Variants in GALNT2 observed in about 807,000 individuals in gnomAD.
GALNT2 encodes UDP-GalNAc:polypeptide N-acetylgalactosaminyltransferase 2.
In GALNT2, 31 loss-of-function variants were observed where a neutral mutation model predicts 81.4. The ratio of observed to expected loss-of-function variants is 0.38; its 90% CI spans 0.29 to 0.51. GALNT2 has a LOEUF of 0.51. Among genes scored for constraint, GALNT2 ranks in the 20% least tolerant of loss-of-function variants. The pLI, the probability that GALNT2 is intolerant of heterozygous loss-of-function variation, is 0.87. For synonymous variants in GALNT2, 303 were observed against 287.4 expected (o/e 1.05, Z -0.55); for missense variants, 629 against 765.7 (o/e 0.82, Z 2.11).
chr1:230,216,871 C>T (rs755544201), intron 3 of GALNT2, among the ~76,000 whole-genome samples: 1 of 151,936 alleles, frequency 6.6e-6, no homozygotes, highest in African/African-American at 2.4e-5. Context: ...CTTCATCTGA[C>T]AATAATGTGA....
At chr1:230,183,553 C>A (rs1021465743) in intron 2 of GALNT2, among the ~76,000 whole-genome samples, 1 of 152,142 alleles carries the variant, frequency 6.6e-6, no homozygotes, top group African/African-American at 2.4e-5. Context: ...CCTCCCATCA[C>A]TTATATCATT....
At chr1:230,145,026 G>A (rs1460281104) in intron 1 of GALNT2, among the ~76,000 whole-genome samples, 5 of 152,074 alleles carry the variant, frequency 3.3e-5, no homozygotes, top group African/African-American at 7.2e-5. Context: ...TGAGAGGCCC[G>A]GCGGAGCATC....
intron 3 of GALNT2, among the ~76,000 whole-genome samples, chr1:230,217,502 T>TA (rs1295104206): frequency 2.0e-5 from 3 of 152,220 alleles, no homozygotes; most frequent in African/African-American, 7.2e-5. Context: ...CACCAAGCCC[T>TA]AGGAGCCTGG....
chr1:230,174,841 C>T (rs1224622649), intron 1 of GALNT2, among the ~76,000 whole-genome samples: 1 of 152,190 alleles, frequency 6.6e-6, no homozygotes, highest in Admixed American at 6.5e-5. Flanking sequence ...TTGATCTTTC[C>T]CTTGTTCCAT....
At chr1:230,191,152 G>A (rs889006792) in intron 2 of GALNT2, among the ~76,000 whole-genome samples, 1 of 151,928 alleles carries the variant, frequency 6.6e-6, no homozygotes, top group Admixed American at 6.5e-5. Context: ...GTTATCTTAA[G>A]CTTTATTAGT....
intron 14 of GALNT2, among the ~76,000 whole-genome samples, chr1:230,269,882 G>A (rs1395703824): frequency 6.6e-6 from 1 of 152,180 alleles, no homozygotes; most frequent in Admixed American, 6.5e-5. Context: ...GAACAACAGA[G>A]TGAGACCATG....
At chr1:230,249,311 G>T (rs1477776979) in intron 9 of GALNT2, 40 bp downstream of exon 9, 51 of 1,579,776 alleles carry the variant, frequency 3.2e-5, no homozygotes, top group Non-Finnish European at 4.3e-5. Context: ...TCCCAGATGA[G>T]ACCCCAGGTT....
chr1:230,252,810 T>C (rs1233390927), intron 10 of GALNT2, among the ~76,000 whole-genome samples: 2 of 151,482 alleles, frequency 1.3e-5, no homozygotes, highest in African/African-American at 4.8e-5. Flanking sequence ...CAAATGGATA[T>C]TTAAATTTTA....
intron 1 of GALNT2, among the ~76,000 whole-genome samples, chr1:230,095,528 C>T (rs974067712): frequency 1.3e-5 from 2 of 152,086 alleles, no homozygotes; most frequent in Non-Finnish European, 2.9e-5. Flanking sequence ...GTATTGGGAT[C>T]CACTCTCCAG....
At position 230,275,851 on chromosome 1, in the gene GALNT2, C is replaced by T. The variant is rs1419153885; in HGVS notation, c.1560+1287C>T. ...CATATATACATGTATATACATGCCA[C>T]ATAGATATACATATATAAATGCCAC... On this transcript the variant is annotated intron_variant, in intron 15 of 15. Transcript: ENST00000366672. The surrounding 1 kb of genome is among the most constrained non-coding windows in gnomAD (Gnocchi z 5.5). 6.6e-6 allele frequency among the ~76,000 whole-genome samples: 1 copy of T among 150,650 alleles called. No homozygotes were observed. Among genetic ancestry groups the T allele is most frequent in the Non-Finnish European group, 1.5e-5 (1 of 67,752 alleles).
chr1:230,262,717 G>T lies in GALNT2; in HGVS notation c.1229+52G>T. ...ATTACTGGGGATTCTTGGGGTGTGG[G>T]GGTGGGAGGTAAGGGGCTGCCCCCA... On this transcript the variant is annotated intron_variant, in intron 12 of 15. Transcript: ENST00000366672. 4 of 1,462,850 alleles carry T rather than the reference G, an allele frequency of 2.7e-6. No individual in the cohort carries two copies. The South Asian group carries it at 4.6e-5, about 17-fold the overall frequency. The allele number at this position is 1,462,850 out of a possible 1,614,324, so 90.6% of individuals were successfully genotyped here.
chr1:230,071,054 T>C (rs144218887), intron 1 of GALNT2, among the ~76,000 whole-genome samples: 2 of 152,300 alleles, frequency 1.3e-5, no homozygotes, highest in Non-Finnish European at 2.9e-5. Context: ...AGTTAAATAC[T>C]GTTAGTGGGT....
chr1:230,210,233 A>G (rs1664194787), intron 3 of GALNT2, among the ~76,000 whole-genome samples: 2 of 152,206 alleles, frequency 1.3e-5, no homozygotes, highest in Admixed American at 1.3e-4. Flanking sequence ...TACTAGGGAA[A>G]ACTTGGGACA....
At chr1:230,178,155 A>T in intron 1 of GALNT2, 63 bp from the exon 2 acceptor site, 2 of 1,311,824 alleles carry the variant, frequency 1.5e-6, no homozygotes, top group Non-Finnish European at 2.2e-6. Flanking sequence ...GTATGTATTG[A>T]ACTGATGAAT....
At chr1:230,248,014 G>T (rs564335252) in intron 8 of GALNT2, among the ~76,000 whole-genome samples, 1 of 152,102 alleles carries the variant, frequency 6.6e-6, no homozygotes, top group Non-Finnish European at 1.5e-5. Context: ...TCAGGGGCCC[G>T]CAGGGGTCTC....
chr1:230,098,598 C>G lies in GALNT2; in HGVS notation c.126+31192C>G, dbSNP rs193158000. ...ATGGGGGAGCCCCACGCCATTACCC[C>G]CCAGACCCAGGGCTTCTATGCCATA... On this transcript the variant is annotated intron_variant, in intron 1 of 15. Coordinates refer to ENST00000366672, the MANE Select transcript of GALNT2 (RefSeq NM_004481.5). 1.6e-4 allele frequency among the ~76,000 whole-genome samples: 24 copies of G among 152,006 alleles called. No homozygotes were observed. The East Asian group carries it at 4.3e-3, about 27-fold the overall frequency.
At chr1:230,068,218 G>T (rs1480938155) in intron 1 of GALNT2, among the ~76,000 whole-genome samples, 1 of 152,252 alleles carries the variant, frequency 6.6e-6, no homozygotes, top group African/African-American at 2.4e-5. Flanking sequence ...TGTGGGGACC[G>T]TGTGAGCCGC....
At position 230,243,810 on chromosome 1, in the gene GALNT2, G is replaced by A. The variant is rs1007923695; in HGVS notation, c.729+383G>A. On this transcript the variant is annotated intron_variant, in intron 7 of 15. Coordinates refer to ENST00000366672, the MANE Select transcript of GALNT2 (RefSeq NM_004481.5). The surrounding 1 kb of genome is among the most constrained non-coding windows in gnomAD (Gnocchi z 4.2). Reference sequence around the variant, plus strand: ...TAGCAAGTGCCATCTCTTGCAGCTCGCAGAGCGGGGCGTGCTGGGGAAGCT... The same window carrying A: ...TAGCAAGTGCCATCTCTTGCAGCTCACAGAGCGGGGCGTGCTGGGGAAGCT... Among the ~76,000 whole-genome samples the A allele has an allele frequency of 5.9e-5, 9 of 152,252 alleles. No individual in the cohort carries two copies. The highest frequency in any genetic ancestry group is 1.9e-4 in the African/African-American group (8 of 41,568).
intron 3 of GALNT2, among the ~76,000 whole-genome samples, chr1:230,234,841 G>A (rs1049410214): frequency 1.3e-5 from 2 of 152,148 alleles, no homozygotes; most frequent in Non-Finnish European, 2.9e-5. Context: ...GTTCTGCTGA[G>A]CCCGGTAAAC....
Sources: gnomAD v4.1 joint callset for allele counts (sites outside exome capture counted in the v4.1 genomes callset) on GRCh38, gnomAD v4.1.1 for gene constraint, Gnocchi (gnomAD v3.1) non-coding constraint, MANE v1.5 for transcripts, NCBI Gene and HGNC (gene_info 2026-07-23, HGNC 2026-07-21) for gene names.